The following PPP3CA variants were observed in gnomAD, a reference collection of about 807,000 sequenced individuals.
PPP3CA encodes the protein protein phosphatase 3 catalytic subunit alpha.
PPP3CA carries 14 observed loss-of-function variants against 66.5 expected under a neutral mutation model. The observed-to-expected ratio is 0.21, with a 90% CI of 0.14 to 0.33. The LOEUF (loss-of-function observed/expected upper bound fraction) is 0.33. PPP3CA is among the 10% of genes least tolerant of loss of function. The probability of loss-of-function intolerance (pLI) is 1.00; values close to 1 mark genes in which losing one functional copy is unlikely to be tolerated. For synonymous variants in PPP3CA, 232 were observed against 226.2 expected (o/e 1.03, Z -0.23); for missense variants, 317 against 639.5 (o/e 0.50, Z 5.44).
intron 1 of PPP3CA, among the ~76,000 whole-genome samples, chr4:101,227,966 T>C (rs1168408364): frequency 1.3e-5 from 2 of 151,702 alleles, no homozygotes; most frequent in African/African-American, 4.8e-5. Context: ...TTATTCAGTC[T>C]ACCAGTGATG....
chr4:101,215,939 T>G (rs57431778), intron 1 of PPP3CA, among the ~76,000 whole-genome samples: 4,292 of 152,142 alleles, frequency 0.028, 208 homozygotes, highest in African/African-American at 0.097. Flanking sequence ...ACAAAAGCAC[T>G]AAGGAGTGAA....
intron 2 of PPP3CA, among the ~76,000 whole-genome samples, chr4:101,153,227 C>G (rs1009038260): frequency 1.3e-5 from 2 of 152,196 alleles, no homozygotes; most frequent in Admixed American, 6.5e-5. Context: ...TGCAGAAACT[C>G]TGTGTGTGGG....
Position 101,121,366 on chromosome 4 carries a change from G to A in PPP3CA, c.260-12288C>T, listed in dbSNP as rs552053939. ...CTTCATTAAATTTCCAAAATTCTTC[G>A]CATCTTCTATATTCCTTGCTTAATG... is the stretch of plus-strand genomic sequence containing the variant. On this transcript the variant is annotated intron_variant, in intron 2 of 13. Coordinates refer to ENST00000394854, the MANE Select transcript of PPP3CA (RefSeq NM_000944.5). Among the ~76,000 whole-genome samples the A allele has an allele frequency of 2.6e-5, 4 of 151,954 alleles. No homozygotes were observed. The Middle Eastern group carries it at 0.01, about 396-fold the overall frequency.
At chr4:101,157,415 G>A (rs117900169) in intron 2 of PPP3CA, among the ~76,000 whole-genome samples, 2 of 152,262 alleles carry the variant, frequency 1.3e-5, no homozygotes, top group East Asian at 1.9e-4. Context: ...AGAGAAAGCT[G>A]ACACAAAAGA....
intron 1 of PPP3CA, among the ~76,000 whole-genome samples, chr4:101,319,039 T>C (rs777243323): frequency 6.6e-5 from 10 of 152,174 alleles, no homozygotes; most frequent in African/African-American, 9.6e-5. Context: ...AAGTTATTTT[T>C]AAAAATTAAA....
chr4:101,042,790 G>T (rs1054807788), intron 10 of PPP3CA, among the ~76,000 whole-genome samples: 2 of 148,706 alleles, frequency 1.3e-5, no homozygotes, highest in East Asian at 2.0e-4. Flanking sequence ...AAGAGACCAT[G>T]AAAAGACTTT....
intron 2 of PPP3CA, among the ~76,000 whole-genome samples, chr4:101,155,394 A>G (rs1441705573): frequency 6.6e-6 from 1 of 152,230 alleles, no homozygotes; most frequent in Non-Finnish European, 1.5e-5. Flanking sequence ...GAGGTAAGGT[A>G]GGCATTCTTT....
intron 1 of PPP3CA, among the ~76,000 whole-genome samples, chr4:101,296,398 T>C (rs942466091): frequency 1.3e-5 from 2 of 152,160 alleles, no homozygotes; most frequent in African/African-American, 4.8e-5. Context: ...ACAGTCCAGA[T>C]TTCTCACAGT....
At chr4:101,232,591 C>G (rs1362945165) in intron 1 of PPP3CA, among the ~76,000 whole-genome samples, 2 of 151,728 alleles carry the variant, frequency 1.3e-5, no homozygotes, top group Non-Finnish European at 2.9e-5. Context: ...GTCTCAATAC[C>G]TTATGACTGA....
At chr4:101,064,633 C>T (rs947174438) in intron 8 of PPP3CA, among the ~76,000 whole-genome samples, 1 of 151,986 alleles carries the variant, frequency 6.6e-6, no homozygotes, top group Admixed American at 6.6e-5. Flanking sequence ...ATCTGCCTTA[C>T]AATCTTTTTC....
intron 2 of PPP3CA, among the ~76,000 whole-genome samples, chr4:101,179,683 C>T (rs1351496698): frequency 2.6e-5 from 4 of 152,014 alleles, no homozygotes; most frequent in Non-Finnish European, 4.4e-5. Context: ...GAATATGCTT[C>T]GTGCAGTACT....
chr4:101,162,239 A>C (rs1723538294), intron 2 of PPP3CA, among the ~76,000 whole-genome samples: 1 of 151,874 alleles, frequency 6.6e-6, no homozygotes, highest in South Asian at 2.1e-4. Context: ...GACTCTGGCC[A>C]AAACAAAAAA....
chr4:101,129,554 A>C (rs577194361), intron 2 of PPP3CA, among the ~76,000 whole-genome samples: 4 of 152,218 alleles, frequency 2.6e-5, no homozygotes, highest in African/African-American at 9.7e-5. Flanking sequence ...GGAAGGAACA[A>C]GCAGCAATCT....
chr4:101,321,282 G>A lies in PPP3CA; in HGVS notation c.58+25457C>T, dbSNP rs550596968. Among the ~76,000 whole-genome samples, 3 of 152,172 alleles carry A rather than the reference G, an allele frequency of 2.0e-5. No homozygotes were observed. In the East Asian group the frequency reaches 5.8e-4, roughly 29 times the overall value. ...TATATAAATTAACCCAAAATAAAAA[G>A]TAGAAACAGAAGTCCTCTGGTATAG... On this transcript the variant is annotated intron_variant, in intron 1 of 13. Coordinates refer to ENST00000394854, the MANE Select transcript of PPP3CA (RefSeq NM_000944.5).
At chr4:101,293,051 CTT>C (rs1412384324) in intron 1 of PPP3CA, among the ~76,000 whole-genome samples, 5 of 152,142 alleles carry the variant, frequency 3.3e-5, no homozygotes, top group African/African-American at 1.2e-4. Context: ...CCATTGTACT[CTT>C]AGTGTTACGG....
chr4:101,149,183 T>C (rs1723057341), intron 2 of PPP3CA, among the ~76,000 whole-genome samples: 1 of 152,126 alleles, frequency 6.6e-6, no homozygotes, highest in African/African-American at 2.4e-5. Context: ...ATAGATAAAA[T>C]TGAATTTGGA....
At chr4:101,103,450 G>A (rs1730532854) in intron 3 of PPP3CA, among the ~76,000 whole-genome samples, 1 of 152,170 alleles carries the variant, frequency 6.6e-6, no homozygotes, top group African/African-American at 2.4e-5. Context: ...AGCAGTGGAA[G>A]AGCAATGCAC....
intron 1 of PPP3CA, among the ~76,000 whole-genome samples, chr4:101,248,101 C>A (rs1726547840): frequency 6.6e-6 from 1 of 152,184 alleles, no homozygotes; most frequent in Admixed American, 6.5e-5. Flanking sequence ...TGGCCACTAT[C>A]TGTTGGTTGT....
chr4:101,060,648 T>C (rs997736427), intron 10 of PPP3CA, among the ~76,000 whole-genome samples: 2 of 152,132 alleles, frequency 1.3e-5, no homozygotes, highest in African/African-American at 4.8e-5. Flanking sequence ...AATACCAATA[T>C]ATCAATATGT....
Sources: allele counts gnomAD v4.1 joint callset (sites outside exome capture counted in the v4.1 genomes callset), GRCh38; gene constraint gnomAD v4.1.1; transcripts MANE v1.5; gene names NCBI Gene and HGNC (gene_info 2026-07-23, HGNC 2026-07-21).